The following ARID2 variants were observed in gnomAD, a reference collection of about 807,000 sequenced individuals.
ARID2 encodes the protein AT-rich interaction domain 2.
In ARID2, 32 loss-of-function variants were observed where a neutral mutation model predicts 184.6. The observed-to-expected ratio is 0.17, with a 90% CI of 0.13 to 0.23. ARID2 has a LOEUF of 0.23. ARID2 is among the 10% of genes least tolerant of loss of function. ARID2 has a pLI of 1.00. For missense variants in ARID2, 1,696 were observed against 2,197.6 expected, an observed-to-expected ratio of 0.77 and a Z score of 4.56; for synonymous variants, 836 against 772.6, an observed-to-expected ratio of 1.08 and a Z score of -1.36.
chr12:45,735,677 CG>C (rs1419427737), intron 3 of ARID2, among the ~76,000 whole-genome samples: 2 of 151,948 alleles, frequency 1.3e-5, no homozygotes, highest in African/African-American at 4.8e-5. Context: ...TATTCTGTTA[CG>C]TTTTTAAAGG....
chr12:45,845,226 T>C (rs1332032622), intron 11 of ARID2, among the ~76,000 whole-genome samples: 1 of 152,176 alleles, frequency 6.6e-6, no homozygotes, highest in Admixed American at 6.5e-5. Context: ...CTAAGTAGGG[T>C]ATGCTCTTTC....
chr12:45,834,570 C>T (rs752491260), intron 6 of ARID2, among the ~76,000 whole-genome samples: 2 of 152,084 alleles, frequency 1.3e-5, no homozygotes, highest in African/African-American at 2.4e-5. Context: ...TGGTGAAACC[C>T]CATCTCTCCT....
intron 4 of ARID2, among the ~76,000 whole-genome samples, chr12:45,812,700 C>A (rs1942731731): frequency 1.3e-5 from 2 of 152,048 alleles, no homozygotes; most frequent in African/African-American, 4.8e-5. Flanking sequence ...TGATGTGCTC[C>A]TTGTTTCTAA....
intron 20 of ARID2, among the ~76,000 whole-genome samples, chr12:45,902,249 CAA>C (rs1321658981): frequency 3.3e-5 from 5 of 151,972 alleles, no homozygotes; most frequent in African/African-American, 7.3e-5. Flanking sequence ...TATATCAAAA[CAA>C]AGTGAGTGCT....
chr12:45,861,519 A>G (rs957639504), intron 16 of ARID2, among the ~76,000 whole-genome samples: 2 of 151,878 alleles, frequency 1.3e-5, no homozygotes, highest in East Asian at 3.9e-4. Context: ...CTTTGACAGT[A>G]CTTAGGTAAG....
At chr12:45,746,100 A>ATTTTCTTTT (rs1941350366) in intron 3 of ARID2, among the ~76,000 whole-genome samples, 1 of 140,220 alleles carries the variant, frequency 7.1e-6, no homozygotes, top group African/African-American at 2.7e-5. Context: ...TTCTGGTTTG[A>ATTTTCTTTT]TTTTTTTTTT....
intron 3 of ARID2, among the ~76,000 whole-genome samples, chr12:45,751,616 A>G (rs1177083873): frequency 1.3e-5 from 2 of 152,198 alleles, no homozygotes; most frequent in Non-Finnish European, 2.9e-5. Context: ...AATGGGTTGT[A>G]AGGTGATTTC....
At chr12:45,800,997 T>C (rs935766582) in intron 3 of ARID2, among the ~76,000 whole-genome samples, 5 of 152,148 alleles carry the variant, frequency 3.3e-5, no homozygotes, top group African/African-American at 1.2e-4. Flanking sequence ...CACAGTCGAA[T>C]GCCAACTAAT....
Position 45,905,280 on chromosome 12 carries a change from A to G in ARID2, c.*202A>G, listed in dbSNP as rs1592151721. Reference sequence around the variant, plus strand: ...CTGTTTAAAAAAATCTAAAAAGAAAAAGGAAAAAAAAAAAAGAACTGCTGT... The same window carrying G: ...CTGTTTAAAAAAATCTAAAAAGAAAGAGGAAAAAAAAAAAAGAACTGCTGT... On this transcript the variant is annotated 3_prime_UTR_variant, in exon 21 of 21. Coordinates refer to ENST00000334344, the MANE Select transcript of ARID2 (RefSeq NM_152641.4). The G allele has an allele frequency of 2.1e-6, 1 of 477,478 alleles. No individual in the cohort carries two copies. The highest frequency in any genetic ancestry group is 3.5e-6 in the Non-Finnish European group (1 of 288,250). 29.6% of individuals were successfully genotyped at this position (477,478 alleles called of 1,614,324 possible).
intron 3 of ARID2, among the ~76,000 whole-genome samples, chr12:45,804,997 G>A (rs1267199624): frequency 6.6e-6 from 1 of 151,890 alleles, no homozygotes; most frequent in African/African-American, 2.4e-5. Flanking sequence ...CTGTTTGTAT[G>A]GGTCCATTTC....
Position 45,905,375 on chromosome 12 carries a change from A to G in ARID2, c.*297A>G. On this transcript the variant is annotated 3_prime_UTR_variant, in exon 21 of 21. Coordinates refer to ENST00000334344, the MANE Select transcript of ARID2 (RefSeq NM_152641.4). ...AATCCTGATGGAAACTGGTATGATC[A>G]GAATTCAGTACCATCCACATTGGAA... is the stretch of plus-strand genomic sequence containing the variant. The G allele has an allele frequency of 3.5e-6, 1 of 289,426 alleles. No individual in the cohort carries two copies. Among genetic ancestry groups the G allele is most frequent in the Non-Finnish European group, 6.5e-6 (1 of 153,918 alleles). The allele number at this position is 289,426 out of a possible 1,614,324, so 17.9% of individuals were successfully genotyped here.
intron 3 of ARID2, among the ~76,000 whole-genome samples, chr12:45,779,107 TTAA>T (rs1942040557): frequency 1.3e-5 from 2 of 152,216 alleles, no homozygotes; most frequent in Admixed American, 1.3e-4. Flanking sequence ...CCCTTTTGCT[TTAA>T]TGTTATAAAT....
intron 3 of ARID2, among the ~76,000 whole-genome samples, chr12:45,793,176 T>C (rs1171691560): frequency 1.3e-5 from 2 of 151,998 alleles, no homozygotes; most frequent in Non-Finnish European, 2.9e-5. Flanking sequence ...GTTGGGCACC[T>C]ATAATCCCAG....
At position 45,863,254 on chromosome 12, in the gene ARID2, CT is replaced by C. The variant is rs1256285774; in HGVS notation, c.4922+2307del. 2.6e-5 allele frequency among the ~76,000 whole-genome samples: 4 copies of C among 152,216 alleles called. No individual in the cohort carries two copies. The South Asian group carries it at 6.2e-4, about 24-fold the overall frequency. ...AGCAAGCACAGGAGTGTAAAAGGACCTTGTATGTCCAGGAAACTGTGAGAAG... is the reference window on the plus strand; with the variant it reads ...AGCAAGCACAGGAGTGTAAAAGGACCTGTATGTCCAGGAAACTGTGAGAAG... On this transcript the variant is annotated intron_variant, in intron 16 of 20. Transcript: ENST00000334344.
intron 3 of ARID2, among the ~76,000 whole-genome samples, chr12:45,778,106 C>T (rs1942019756): frequency 6.6e-6 from 1 of 151,996 alleles, no homozygotes; most frequent in Non-Finnish European, 1.5e-5. Flanking sequence ...CTCAGGGGGG[C>T]CGGGGCAGTG....
At position 45,893,313 on chromosome 12, in the gene ARID2, G is replaced by A. The variant is rs115218607; in HGVS notation, c.5148-107G>A. 1.4e-3 allele frequency: 1,878 copies of A among 1,346,026 alleles called. 21 individuals are homozygous for A. In the African/African-American group the frequency reaches 0.025, roughly 18 times the overall value. The allele number at this position is 1,346,026 out of a possible 1,614,324, so 83.4% of individuals were successfully genotyped here. A position where few individuals can be genotyped will look rare whatever the true frequency, so the allele number is the denominator to read the frequency against. On this transcript the variant is annotated intron_variant, in intron 18 of 20. Coordinates refer to ENST00000334344, the MANE Select transcript of ARID2 (RefSeq NM_152641.4). ...GGACCTTTAGTCACCCTGTAAACAC[G>A]ATTTTAAAATAACCAGCTTAAAGGG...
At chr12:45,879,071 G>A (rs1434574450) in intron 16 of ARID2, among the ~76,000 whole-genome samples, 1 of 152,022 alleles carries the variant, frequency 6.6e-6, no homozygotes, top group Non-Finnish European at 1.5e-5. Flanking sequence ...TACTATACTG[G>A]AAACCTGTTG....
At chr12:45,889,622 T>A (rs1417387627) in intron 16 of ARID2, among the ~76,000 whole-genome samples, 1 of 152,248 alleles carries the variant, frequency 6.6e-6, no homozygotes, top group African/African-American at 2.4e-5. Flanking sequence ...AACTCTCCAA[T>A]ATTACACGTA....
intron 3 of ARID2, among the ~76,000 whole-genome samples, chr12:45,791,253 T>G (rs1942285831): frequency 6.6e-6 from 1 of 152,072 alleles, no homozygotes; most frequent in Non-Finnish European, 1.5e-5. Flanking sequence ...CCTAATGGTA[T>G]GAAGTAGTAG....
Sources: allele counts gnomAD v4.1 joint callset (sites outside exome capture counted in the v4.1 genomes callset), GRCh38; gene constraint gnomAD v4.1.1; transcripts MANE v1.5; gene names NCBI Gene and HGNC (gene_info 2026-07-23, HGNC 2026-07-21).